The following RPL31 variants were observed in gnomAD, a reference collection of about 807,000 sequenced individuals.
RPL31 encodes the protein ribosomal protein L31.
For synonymous variants in RPL31, 51 were observed against 55.0 expected (o/e 0.93, Z 0.32); for missense variants, 95 against 164.0 (o/e 0.58, Z 2.30).
Position 101,015,049 on chromosome 2 carries a change from TCATA to T in RPL31, c.347-3946_347-3943del, listed in dbSNP as rs60108953. On this transcript the variant is annotated intron_variant, in intron 4 of 4. Transcript: ENST00000409028. ...AGGTGATTTTGTCATTGTGCAAACA[TCATA>T]CAGTGGACTTACACGAACCTAGATG... 8.2e-3 allele frequency among the ~76,000 whole-genome samples: 1,253 copies of T among 152,306 alleles called. 13 individuals carry two copies. Among genetic ancestry groups the T allele is most frequent in the African/African-American group, 0.028 (1,167 of 41,566 alleles).
intron 2 of RPL31, 30 bp downstream of exon 2, chr2:101,002,838 C>G: frequency 1.3e-6 from 2 of 1,510,636 alleles, no homozygotes; most frequent in Non-Finnish European, 9.2e-7. Flanking sequence ...CCCTGGGTCT[C>G]GAACTCACGC....
downstream of RPL31, among the ~76,000 whole-genome samples, chr2:101,009,824 TTTC>T (rs1679056930): frequency 4.3e-5 from 6 of 139,916 alleles, 1 homozygote; most frequent in Non-Finnish European, 3.2e-5. Context: ...AAAGGAGCTT[TTTC>T]TTTTTTTTTT....
intron 1 of RPL31, 62 bp from the exon 2 acceptor site, chr2:101,002,636 TGGGA>T (rs1472896059): frequency 1.4e-5 from 19 of 1,312,596 alleles, no homozygotes; most frequent in Middle Eastern, 2.5e-4. Context: ...AGCGTGAGGC[TGGGA>T]GGGAGGACTT....
downstream of RPL31, chr2:101,010,792 G>A (rs1020531486): frequency 7.7e-6 from 5 of 645,488 alleles, no homozygotes; most frequent in Non-Finnish European, 1.3e-5. Context: ...TGAGGCAGGA[G>A]AACTGCTTGA....
downstream of RPL31, chr2:101,008,160 C>T (rs756987250): frequency 8.7e-6 from 14 of 1,613,702 alleles, no homozygotes; most frequent in South Asian, 1.1e-4. Context: ...GCCCCACCTC[C>T]CCGATCTGCA....
downstream of RPL31, chr2:101,007,378 A>G (rs1305986354): frequency 6.3e-6 from 1 of 159,326 alleles, no homozygotes; most frequent in African/African-American, 2.4e-5. Context: ...AGTGCAAAAA[A>G]AAGCCAAATA....
chr2:101,018,029 A>G, intron 4 of RPL31: 1 of 1,200,728 alleles, frequency 8.3e-7, no homozygotes, highest in African/African-American at 1.5e-5. Context: ...CATTCTACAT[A>G]TCAACCCCTT....
intron 1 of RPL31, 79 bp from the exon 2 acceptor site, chr2:101,002,623 G>T (rs1034777916): frequency 2.0e-5 from 24 of 1,217,604 alleles, no homozygotes; most frequent in Admixed American, 8.7e-5. Context: ...CCCCGAGAGT[G>T]ACAGCGTGAG....
intron 4 of RPL31, among the ~76,000 whole-genome samples, chr2:101,012,406 T>C (rs1366176684): frequency 6.6e-6 from 1 of 152,228 alleles, no homozygotes; most frequent in African/African-American, 2.4e-5. Flanking sequence ...CATGGATGTG[T>C]CTTGAAAACA....
exon 5 of RPL31, chr2:101,019,013 G>C: frequency 1.2e-6 from 2 of 1,612,660 alleles, no homozygotes; most frequent in Non-Finnish European, 1.7e-6. Context: ...GTGCTAAACA[G>C]TGTTACAGTC....
At chr2:101,009,399 C>CT (rs1679009482), downstream of RPL31, among the ~76,000 whole-genome samples, 2 of 131,894 alleles carry the variant, frequency 1.5e-5, no homozygotes, top group Non-Finnish European at 3.2e-5. Flanking sequence ...GAGTGAGACT[C>CT]TGTCTCCAAA....
chr2:101,013,440 G>T (rs189356133), intron 4 of RPL31, among the ~76,000 whole-genome samples: 6 of 152,158 alleles, frequency 3.9e-5, no homozygotes, highest in Non-Finnish European at 5.9e-5. Context: ...TAATTCAAGC[G>T]TCTAAATGGA....
At chr2:101,002,388 C>T (rs999720183) in intron 1 of RPL31, 73 bp downstream of exon 1, 1 of 380,118 alleles carries the variant, frequency 2.6e-6, no homozygotes, top group Admixed American at 4.1e-5. Context: ...CTAACTGGGA[C>T]CGCAAAATCT....
chr2:101,009,821 C>CATTTTTTTTTTTTTT (rs144990163), downstream of RPL31, among the ~76,000 whole-genome samples: 1 of 134,192 alleles, frequency 7.5e-6, no homozygotes, highest in African/African-American at 2.7e-5. Flanking sequence ...AAAAAAGGAG[C>CATTTTTTTTTTTTTT]TTTTTCTTTT....
intron 4 of RPL31, among the ~76,000 whole-genome samples, chr2:101,015,791 T>G (rs1679586683): frequency 6.6e-6 from 1 of 152,182 alleles, no homozygotes; most frequent in African/African-American, 2.4e-5. Context: ...TACATGATCT[T>G]TGACAAACCT....
At chr2:101,009,882 T>G (rs12996506), downstream of RPL31, among the ~76,000 whole-genome samples, 1 of 149,594 alleles carries the variant, frequency 6.7e-6, no homozygotes, top group Admixed American at 6.8e-5. Context: ...AGTGCAGTGG[T>G]GCGATCTCGG....
rs376788322 is a variant in RPL31 at position 101,002,848 on chromosome 2, C to T, written c.107+40C>T. The T allele has an allele frequency of 2.8e-5, 41 of 1,461,458 alleles. No individual in the cohort carries two copies. In the African/African-American group the frequency reaches 4.2e-4, roughly 15 times the overall value. 90.5% of individuals were successfully genotyped at this position (1,461,458 alleles called of 1,614,324 possible). A position where few individuals can be genotyped will look rare whatever the true frequency, so the allele number is the denominator to read the frequency against. On this transcript the variant is annotated intron_variant, in intron 2 of 4. Transcript: ENST00000264258. ...AGCCGCCCTGGGTCTCGAACTCACG[C>T]GTCTGGTTGTTACCGAGAGATGTGC...
At chr2:101,003,710 C>T (rs114728456) in intron 2 of RPL31, among the ~76,000 whole-genome samples, 94 of 152,332 alleles carry the variant, frequency 6.2e-4, no homozygotes, top group African/African-American at 2.3e-3. Flanking sequence ...AAGCGACCTG[C>T]CTGCACACTT....
chr2:101,004,862 C>CAGAA (rs1678661593), intron 3 of RPL31: 1 of 152,484 alleles, frequency 6.6e-6, no homozygotes, highest in Non-Finnish European at 1.5e-5. Context: ...AAAGTGGAAC[C>CAGAA]AGAAAGCAGG....
Sources: allele counts gnomAD v4.1 joint callset (sites outside exome capture counted in the v4.1 genomes callset), GRCh38; gene constraint gnomAD v4.1.1; transcripts MANE v1.5; gene names NCBI Gene and HGNC (gene_info 2026-07-23, HGNC 2026-07-21).